Variants in IL5RA observed in about 807,000 individuals in gnomAD.
The protein encoded by IL5RA is interleukin 5 receptor subunit alpha, also known as interleukin-5 receptor subunit alpha.
In IL5RA, 49 loss-of-function variants were observed where a neutral mutation model predicts 50.0. That is an observed-to-expected ratio of 0.98 (90% confidence interval 0.78 to 1.24). The LOEUF is 1.24. Among genes scored for constraint, IL5RA ranks in the 50% most tolerant of loss-of-function variants. The pLI, the probability that IL5RA is intolerant of heterozygous loss-of-function variation, is 0.00. For missense variants in IL5RA, 600 were observed against 500.4 expected (o/e 1.20, Z -1.90); for synonymous variants, 202 against 174.0 (o/e 1.16, Z -1.26).
At chr3:3,096,285 A>AG (rs1703363386) in intron 7 of IL5RA, among the ~76,000 whole-genome samples, 1 of 82,262 alleles carries the variant, frequency 1.2e-5, no homozygotes, top group African/African-American at 4.9e-5. Context: ...TCTCAAAAAA[A>AG]AAAAAAGAAG....
intron 9 of IL5RA, among the ~76,000 whole-genome samples, chr3:3,082,537 G>A (rs577606038): frequency 1.4e-4 from 21 of 152,362 alleles, no homozygotes; most frequent in Admixed American, 4.6e-4. Context: ...GTTGTCTGGT[G>A]TCTGGGGACC....
intron 7 of IL5RA, 149 bp from the exon 8 acceptor site, chr3:3,095,593 G>T: frequency 1.5e-6 from 1 of 670,202 alleles, no homozygotes. Context: ...TGATCTCCAA[G>T]CCACAGGAAG....
intron 7 of IL5RA, among the ~76,000 whole-genome samples, chr3:3,096,289 A>AAAAG (rs367739003): frequency 0.31 from 43,223 of 141,166 alleles, 6,965 homozygotes; most frequent in South Asian, 0.5. Flanking sequence ...AAAAAAAAAA[A>AAAAG]AAGAAGAAGA....
chr3:3,103,322 C>T (rs1433410803), intron 3 of IL5RA, among the ~76,000 whole-genome samples: 2 of 152,144 alleles, frequency 1.3e-5, no homozygotes, highest in Non-Finnish European at 2.9e-5. Context: ...AATTTTCAAA[C>T]TGAGAGTCAT....
intron 5 of IL5RA, among the ~76,000 whole-genome samples, chr3:3,101,302 G>A (rs1025058827): frequency 8.5e-5 from 13 of 152,060 alleles, no homozygotes; most frequent in African/African-American, 2.7e-4. Flanking sequence ...AAAATTACCC[G>A]TGAGCTCAAC....
chr3:3,082,493 A>C (rs941117427), intron 9 of IL5RA, among the ~76,000 whole-genome samples: 1 of 152,260 alleles, frequency 6.6e-6, no homozygotes, highest in Non-Finnish European at 1.5e-5. Context: ...GGTGCTTTTT[A>C]GGCATCACTA....
chr3:3,066,498 C>T lies in IL5RA; in HGVS notation c.*3727G>A, dbSNP rs1702141050. 6.6e-6 allele frequency: 1 copy of T among 152,162 alleles called. No individual in the cohort carries two copies. The highest frequency in any genetic ancestry group is 2.1e-4 in the South Asian group (1 of 4,824). The allele number at this position is 152,162 out of a possible 1,614,324, so 9.4% of individuals were successfully genotyped here. Reference sequence around the variant, plus strand: ...GTACTCAATTTGAAGGATGTAGAAGCAGGAATAGCTACAGTCCTTAGGCTA... The same window carrying T: ...GTACTCAATTTGAAGGATGTAGAAGTAGGAATAGCTACAGTCCTTAGGCTA... On this transcript the variant is annotated 3_prime_UTR_variant, in exon 12 of 12. Coordinates refer to ENST00000446632, the MANE Select transcript of IL5RA (RefSeq NM_175726.4).
intron 9 of IL5RA, among the ~76,000 whole-genome samples, chr3:3,086,048 G>T (rs1702848005): frequency 6.6e-6 from 1 of 152,038 alleles, no homozygotes; most frequent in African/African-American, 2.4e-5. Context: ...TCAAATTTGG[G>T]CCATCAAATT....
chr3:3,095,171 G>A (rs947858042), intron 8 of IL5RA, 128 bp downstream of exon 8: 2 of 656,942 alleles, frequency 3.0e-6, no homozygotes, highest in East Asian at 2.6e-5. Flanking sequence ...TAATACCTGG[G>A]TAGATTAAGT....
chr3:3,074,993 C>T (rs1702428491), intron 10 of IL5RA, 127 bp from the exon 11 acceptor site: 2 of 635,358 alleles, frequency 3.1e-6, no homozygotes, highest in Non-Finnish European at 5.6e-6. Flanking sequence ...TCTTTACGTA[C>T]CAAGACTTCC....
intron 5 of IL5RA, among the ~76,000 whole-genome samples, chr3:3,101,092 C>T (rs987305512): frequency 6.6e-6 from 1 of 151,134 alleles, no homozygotes; most frequent in African/African-American, 2.4e-5. Context: ...GACATGAGAA[C>T]CGCTTGAACC....
chr3:3,104,806 T>TA lies in IL5RA; in HGVS notation c.82+96dup, dbSNP rs1202865126. The TA allele has an allele frequency of 6.1e-5, 42 of 686,256 alleles. 1 individual carries two copies. Among genetic ancestry groups the TA allele is most frequent in the Non-Finnish European group, 9.3e-5 (37 of 397,008 alleles). The allele number at this position is 686,256 out of a possible 1,614,324, so 42.5% of individuals were successfully genotyped here. ...ATATTGTCTCATAAAAATCCATATA[T>TA]AATGTTCTAATCGACAGTTTAAGAG... On this transcript the variant is annotated intron_variant, in intron 3 of 11. Coordinates refer to ENST00000446632, the MANE Select transcript of IL5RA (RefSeq NM_175726.4).
At position 3,095,324 on chromosome 3, in the gene IL5RA, T is replaced by C; in HGVS notation, c.830A>G (p.His277Arg). ...CTGCAAATATCCATTCCTTGTATTG[T>C]GTATTTTTACTTCATAATCAAAGCA... is the stretch of plus-strand genomic sequence containing the variant. The part of the protein sequence containing the change: ...IHCFDYEVKI[H>R]NTRNGYLQIE... The change falls in exon 8 of 12, where the codon CAC (histidine) becomes CGC (arginine). Residue 277 changes from histidine to arginine, a missense_variant. Transcript: ENST00000446632. The C allele has an allele frequency of 1.2e-6, 2 of 1,602,284 alleles. No homozygotes were observed. Among genetic ancestry groups the C allele is most frequent in the Non-Finnish European group, 8.5e-7 (1 of 1,170,270 alleles).
At chr3:3,100,109 C>A (rs6442777) in intron 5 of IL5RA, among the ~76,000 whole-genome samples, 1 of 152,000 alleles carries the variant, frequency 6.6e-6, no homozygotes, top group Non-Finnish European at 1.5e-5. Context: ...GAAACACTGG[C>A]CTTGTTGGTG....
chr3:3,101,600 C>A, intron 5 of IL5RA, 92 bp downstream of exon 5: 1 of 1,319,476 alleles, frequency 7.6e-7, no homozygotes, highest in Non-Finnish European at 1.1e-6. Flanking sequence ...GGGTGACTGA[C>A]TAAAGAAAAG....
intron 5 of IL5RA, among the ~76,000 whole-genome samples, chr3:3,099,646 GATTTT>G (rs1243359263): frequency 8.6e-6 from 1 of 115,792 alleles, no homozygotes; most frequent in African/African-American, 3.7e-5. Flanking sequence ...AAAACCTTCA[GATTTT>G]ATTTTATTTA....
At chr3:3,090,653 G>A (rs572746248) in intron 9 of IL5RA, among the ~76,000 whole-genome samples, 63 of 142,360 alleles carry the variant, frequency 4.4e-4, no homozygotes, top group Non-Finnish European at 7.6e-4. Context: ...TGCAAGCTCC[G>A]CCTCCCGGGT....
At chr3:3,095,605 C>T (rs571417898) in intron 7 of IL5RA, among the ~76,000 whole-genome samples, 161 bp from the exon 8 acceptor site, 79 of 152,250 alleles carry the variant, frequency 5.2e-4, no homozygotes, top group African/African-American at 9.1e-4. Context: ...CACAGGAAGC[C>T]GGTGGCCTCC....
rs530296369 is a variant in IL5RA, at chr3:3,073,191, T to C, written c.1176+1591A>G. Among the ~76,000 whole-genome samples, 3 of 152,330 alleles carry C rather than the reference T, an allele frequency of 2.0e-5. No homozygotes were observed. In the South Asian group the frequency reaches 6.2e-4, roughly 32 times the overall value. Reference sequence around the variant, plus strand: ...ATCCTTCCAATACCCAAACTGCAAATGCTAAGGAAAGTTCACCACTTATTG... The same window carrying C: ...ATCCTTCCAATACCCAAACTGCAAACGCTAAGGAAAGTTCACCACTTATTG... On this transcript the variant is annotated intron_variant, in intron 11 of 11. Coordinates refer to ENST00000446632, the MANE Select transcript of IL5RA (RefSeq NM_175726.4).
Sources: allele counts gnomAD v4.1 joint callset (sites outside exome capture counted in the v4.1 genomes callset), GRCh38; gene constraint gnomAD v4.1.1; transcripts MANE v1.5; gene names NCBI Gene and HGNC (gene_info 2026-07-23, HGNC 2026-07-21).